The following DDI2 variants were observed in gnomAD, a reference collection of about 807,000 sequenced individuals.
DDI2 encodes DDI proteasomal shuttling factor 2.
In DDI2, 5 loss-of-function variants were observed where a neutral mutation model predicts 48.1. That is an observed-to-expected ratio of 0.10 (90% CI 0.05 to 0.22). The LOEUF is 0.22. Among genes scored for constraint, DDI2 ranks in the 10% least tolerant of loss-of-function variants. The pLI is 1.00. For missense variants in DDI2, 285 were observed against 506.2 expected (o/e 0.56, Z 4.19); for synonymous variants, 205 against 183.6 (o/e 1.12, Z -0.94).
rs1640456455 is a variant in DDI2, at chr1:15,666,644, CA to C, written c.*6857del. On this transcript the variant is annotated 3_prime_UTR_variant, in exon 10 of 10. Transcript: ENST00000480945. ...TTCCTTGCTACTTTGATTCATTCAT[CA>C]AATACTGAGTGCCTGTGTGCCAGGC... The C allele has an allele frequency of 6.6e-6, 1 of 152,160 alleles. No individual in the cohort carries two copies. The highest frequency in any genetic ancestry group is 6.5e-5 in the Admixed American group (1 of 15,272). The allele number at this position is 152,160 out of a possible 1,614,324, so 9.4% of individuals were successfully genotyped here. A position where few individuals can be genotyped will look rare whatever the true frequency, so the allele number is the denominator to read the frequency against.
chr1:15,656,908 A>G (rs887947444), intron 9 of DDI2: 1 of 472,050 alleles, frequency 2.1e-6, no homozygotes, highest in South Asian at 2.9e-5. Context: ...ACAGGGAGAA[A>G]ATCCCAGTTA....
chr1:15,651,195 A>T (rs574712096), intron 7 of DDI2, among the ~76,000 whole-genome samples: 18 of 152,248 alleles, frequency 1.2e-4, no homozygotes, highest in African/African-American at 3.8e-4. Flanking sequence ...GAGTGTATGT[A>T]TCAATAAAAC....
rs1255441045 is a variant in DDI2, at chr1:15,664,080, A to AT, written c.*4295dup. 6.6e-6 allele frequency: 1 copy of AT among 152,106 alleles called. No individual in the cohort carries two copies. The highest frequency in any genetic ancestry group is 1.5e-5 in the Non-Finnish European group (1 of 68,026). The allele number at this position is 152,106 out of a possible 1,614,324, so 9.4% of individuals were successfully genotyped here. On this transcript the variant is annotated 3_prime_UTR_variant, in exon 10 of 10. Transcript: ENST00000480945. ...ATATCCTTGTCCCTTCCATCATTTT[A>AT]TTTTTGAGATGGGGTCTTGCAGTGT...
intron 6 of DDI2, among the ~76,000 whole-genome samples, chr1:15,648,621 T>C (rs113894877): frequency 1.3e-3 from 198 of 152,218 alleles, no homozygotes; most frequent in South Asian, 9.6e-3. Context: ...CTATGAACAT[T>C]GATCAATGAG....
At chr1:15,632,358 C>G (rs901127317) in intron 3 of DDI2, among the ~76,000 whole-genome samples, 2 of 151,820 alleles carry the variant, frequency 1.3e-5, no homozygotes, top group Admixed American at 1.3e-4. Context: ...CATGGTGAAA[C>G]CCAGTCTCTA....
Position 15,661,708 on chromosome 1 carries a change from G to C in DDI2, c.*1918G>C, listed in dbSNP as rs773446093. The C allele has an allele frequency of 6.2e-7, 1 of 1,610,368 alleles. No homozygotes were observed. Among genetic ancestry groups the C allele is most frequent in the East Asian group, 2.2e-5 (1 of 44,846 alleles). Reference sequence around the variant, plus strand: ...TCTTGTTTTGCTCGCAAAAAACATCGTAGTTCCTACATGACTGTGGGAAAG... The same window carrying C: ...TCTTGTTTTGCTCGCAAAAAACATCCTAGTTCCTACATGACTGTGGGAAAG... On this transcript the variant is annotated 3_prime_UTR_variant, in exon 10 of 10. Coordinates refer to ENST00000480945, the MANE Select transcript of DDI2 (RefSeq NM_032341.5).
At position 15,668,969 on chromosome 1, in the gene DDI2, TA is replaced by T. The variant is rs1190534620; in HGVS notation, c.*9182del. 6.6e-6 allele frequency: 1 copy of T among 152,248 alleles called. No homozygotes were observed. Among genetic ancestry groups the T allele is most frequent in the Non-Finnish European group, 1.5e-5 (1 of 68,048 alleles). The allele number at this position is 152,248 out of a possible 1,614,324, so 9.4% of individuals were successfully genotyped here. A position where few individuals can be genotyped will look rare whatever the true frequency, so the allele number is the denominator to read the frequency against. ...ACACTTTATTTTATTTTTCTTTTTT[TA>T]AATAGGAACTTTCTGAAGAAAAAGT... On this transcript the variant is annotated 3_prime_UTR_variant, in exon 10 of 10. Transcript: ENST00000480945.
In DDI2 at chr1:15,630,534, G is replaced by A; in HGVS notation, c.478G>A (p.Ala160Thr). The A allele has an allele frequency of 6.2e-7, 1 of 1,613,932 alleles. No homozygotes were observed. The change falls in exon 3 of 10, where the codon GCA (alanine) becomes ACA (threonine). Residue 160 changes from alanine to threonine, a missense_variant. Ala to Thr is a moderately conservative substitution (Grantham distance 58). Around this residue, in one of 3 missense-constraint regions of DDI2, gnomAD observed 149 missense variants for 236.5 expected, o/e 0.63. Transcript: ENST00000480945. ...GCTGAAGGAACGCAATCCACCCCTGGCAGAAGCTCTGCTCAGTGGAGACCT... is the reference window on the plus strand; with the variant it reads ...GCTGAAGGAACGCAATCCACCCCTGACAGAAGCTCTGCTCAGTGGAGACCT... ...SLLKERNPPL[A>T]EALLSGDLEK...
Position 15,667,239 on chromosome 1 carries a change from G to A in DDI2, c.*7449G>A, listed in dbSNP as rs1640467854. The stretch of plus-strand genomic sequence containing the variant: ...AAAAATTTTTTTTTAAATGGAATCA[G>A]AGAAACCAACAAAATATGTAACATG... On this transcript the variant is annotated 3_prime_UTR_variant, in exon 10 of 10. Coordinates refer to ENST00000480945, the MANE Select transcript of DDI2 (RefSeq NM_032341.5). 6.6e-6 allele frequency: 1 copy of A among 151,774 alleles called. No homozygotes were observed. The highest frequency in any genetic ancestry group is 1.5e-5 in the Non-Finnish European group (1 of 68,002). 9.4% of individuals were successfully genotyped at this position (151,774 alleles called of 1,614,324 possible).
intron 5 of DDI2, 80 bp downstream of exon 5, chr1:15,638,514 C>A: frequency 7.8e-7 from 1 of 1,281,572 alleles, no homozygotes; most frequent in Non-Finnish European, 1.1e-6. Context: ...CTCAAGCATC[C>A]GTTCAGATGG....
In DDI2 at chr1:15,660,188, C is replaced by G. The variant is rs1427928509; in HGVS notation, c.*398C>G. On this transcript the variant is annotated 3_prime_UTR_variant, in exon 10 of 10. Coordinates refer to ENST00000480945, the MANE Select transcript of DDI2 (RefSeq NM_032341.5). ...AATTCATCCGAAGAAATAACTGTTG[C>G]AGGTAATCTGGAGAAATCTGCTGAA... 2 of 1,614,096 alleles carry G rather than the reference C, an allele frequency of 1.2e-6. No individual in the cohort carries two copies. Among genetic ancestry groups the G allele is most frequent in the South Asian group, 1.1e-5 (1 of 91,084 alleles).
At position 15,630,554 on chromosome 1, in the gene DDI2, A is replaced by G. The variant is rs766026806; in HGVS notation, c.498A>G (p.Gly166=). The G allele has an allele frequency of 3.1e-6, 5 of 1,610,756 alleles. No individual in the cohort carries two copies. In the East Asian group the frequency reaches 6.7e-5, roughly 22 times the overall value. ...NPPLAEALLS[G]DLEKFSRVLV... ...CCCTGGCAGAAGCTCTGCTCAGTGG[A>G]GACCTTGGTAAGCTTATAAATTTGG... The change falls in exon 3 of 10, where the codon GGA becomes GGG. Residue 166 remains glycine, a synonymous_variant. Transcript: ENST00000480945.
At chr1:15,634,780 C>T (rs1434496534) in intron 4 of DDI2, among the ~76,000 whole-genome samples, 2 of 152,024 alleles carry the variant, frequency 1.3e-5, no homozygotes, top group Non-Finnish European at 2.9e-5. Flanking sequence ...AATCCACGCG[C>T]CTCAGCCTCC....
chr1:15,639,943 C>T (rs1367487982), intron 5 of DDI2, among the ~76,000 whole-genome samples: 1 of 151,638 alleles, frequency 6.6e-6, no homozygotes, highest in African/African-American at 2.4e-5. Flanking sequence ...GTGGTGACGG[C>T]AGAGGTCAGG....
chr1:15,644,203 A>T lies in DDI2; in HGVS notation c.889+553A>T, dbSNP rs139197530. ...TATCAAAGATACTTCTTGAGCCTGG[A>T]CTGGCAGTTTCAGGCCTGCTTCAGA... On this transcript the variant is annotated intron_variant, in intron 6 of 9. Coordinates refer to ENST00000480945, the MANE Select transcript of DDI2 (RefSeq NM_032341.5). 9.1e-4 allele frequency among the ~76,000 whole-genome samples: 139 copies of T among 152,318 alleles called. 2 individuals carry two copies. Among genetic ancestry groups the T allele is most frequent in the Middle Eastern group, 3.4e-3 (1 of 294 alleles).
In DDI2 at chr1:15,626,817, G is replaced by T. The variant is rs199576400; in HGVS notation, c.268+19G>T. On this transcript the variant is annotated intron_variant, in intron 2 of 9. Transcript: ENST00000480945. Reference sequence around the variant, plus strand: ...TTCCCAAGTAAGACATCTGGTGGTTGAGCATCCCCCAGCAGAACCATCAGC... The same window carrying T: ...TTCCCAAGTAAGACATCTGGTGGTTTAGCATCCCCCAGCAGAACCATCAGC... The T allele has an allele frequency of 3.0e-4, 482 of 1,614,048 alleles. 3 individuals are homozygous for T. The African/African-American group carries it at 5.8e-3, about 20-fold the overall frequency.
chr1:15,630,132 TTTC>T (rs1209425208), intron 2 of DDI2, among the ~76,000 whole-genome samples, 190 bp from the exon 3 acceptor site: 1 of 152,114 alleles, frequency 6.6e-6, no homozygotes, highest in Non-Finnish European at 1.5e-5. Flanking sequence ...TCCCCCTATT[TTTC>T]TTCTTCTATC....
chr1:15,661,776 C>T lies in DDI2; in HGVS notation c.*1986C>T, dbSNP rs1430742852. On this transcript the variant is annotated 3_prime_UTR_variant, in exon 10 of 10. Coordinates refer to ENST00000480945, the MANE Select transcript of DDI2 (RefSeq NM_032341.5). ...CATTCCCTTTAAACAAAAGAAAGCT[C>T]TCTCTATATACACGCACACATACAC... is the stretch of plus-strand genomic sequence containing the variant. 6.5e-7 allele frequency: 1 copy of T among 1,536,314 alleles called. No individual in the cohort carries two copies. The highest frequency in any genetic ancestry group is 8.7e-7 in the Non-Finnish European group (1 of 1,143,436).
intron 4 of DDI2, among the ~76,000 whole-genome samples, chr1:15,635,170 A>T (rs560166403): frequency 6.6e-6 from 1 of 151,910 alleles, no homozygotes; most frequent in Non-Finnish European, 1.5e-5. Flanking sequence ...TGGAGGCTGC[A>T]GTAAGCTATG....
Sources: allele counts gnomAD v4.1 joint callset (sites outside exome capture counted in the v4.1 genomes callset), GRCh38; gene constraint gnomAD v4.1.1; regional missense constraint gnomAD v4.1.1; transcripts MANE v1.5; gene names NCBI Gene and HGNC (gene_info 2026-07-23, HGNC 2026-07-21).